The following RBM27 variants were observed in gnomAD, a reference collection of about 807,000 sequenced individuals.
RBM27 encodes the protein RNA binding motif protein 27.
A neutral mutation model predicts 135.3 loss-of-function variants in RBM27; 22 were observed. The ratio of observed to expected loss-of-function variants is 0.16; its 90% CI spans 0.12 to 0.23. The LOEUF is 0.23. Ranked by LOEUF, RBM27 falls within the 10% of genes least tolerant of loss-of-function variation. RBM27 has a pLI of 1.00. For synonymous variants in RBM27, 481 were observed against 442.4 expected (o/e 1.09, Z -1.10); for missense variants, 1,009 against 1,281.0 (o/e 0.79, Z 3.24).
At position 146,271,591 on chromosome 5, in the gene RBM27, A is replaced by G. The variant is rs1389301285; in HGVS notation, c.2905A>G (p.Met969Val). Residue 969 changes from methionine (M) to valine (V), a missense_variant, in exon 19 of 21, where the codon ATG becomes GTG. Transcript: ENST00000265271. ...AAGAGGAAGGGGCTCACTAAATCAC[A>G]TGGTGGTGGACCATCGTCCCAAAGC... The part of the protein sequence containing the change: ...GGRGRGSLNH[M>V]VVDHRPKALT... 2.5e-6 allele frequency: 4 copies of G among 1,613,740 alleles called. No individual in the cohort carries two copies. Among genetic ancestry groups the G allele is most frequent in the East Asian group, 2.2e-5 (1 of 44,884 alleles).
At chr5:146,256,946 A>G (rs1758129957) in intron 10 of RBM27, among the ~76,000 whole-genome samples, 1 of 152,224 alleles carries the variant, frequency 6.6e-6, no homozygotes, top group African/African-American at 2.4e-5. Context: ...GATAAAAACT[A>G]TTTAAGGAGA....
rs979502104 is a variant in RBM27 at position 146,203,732 on chromosome 5, G to A, written c.-34G>A. 4 of 1,547,684 alleles carry A rather than the reference G, an allele frequency of 2.6e-6. No homozygotes were observed. The highest frequency in any genetic ancestry group is 3.5e-6 in the Non-Finnish European group (4 of 1,144,346). ...AGTGGAGACCCACGGCAGGCCTGAAGAAGAGCGGCGGCCGAGCCCGCCTTC... is the reference window on the plus strand; with the variant it reads ...AGTGGAGACCCACGGCAGGCCTGAAAAAGAGCGGCGGCCGAGCCCGCCTTC... On this transcript the variant is annotated 5_prime_UTR_variant, in exon 1 of 21. Transcript: ENST00000265271.
rs530449956 is a variant in RBM27, at chr5:146,222,869, C to T, written c.179-534C>T. Among the ~76,000 whole-genome samples the T allele has an allele frequency of 3.3e-5, 5 of 152,150 alleles. No individual in the cohort carries two copies. The East Asian group carries it at 5.8e-4, about 18-fold the overall frequency. ...TATTTAACTGATTAAAAAAAATTTT[C>T]GGTTAAGTTTTTTGAGTTGGCAGTG... is the stretch of plus-strand genomic sequence containing the variant. On this transcript the variant is annotated intron_variant, in intron 2 of 20. Coordinates refer to ENST00000265271, the MANE Select transcript of RBM27 (RefSeq NM_018989.2).
intron 3 of RBM27, among the ~76,000 whole-genome samples, chr5:146,224,688 G>GA (rs199952797): frequency 1.2e-4 from 18 of 145,896 alleles, no homozygotes; most frequent in East Asian, 5.9e-4. Context: ...GCCTCAGAAA[G>GA]AAAAAAAAAA....
intron 17 of RBM27, among the ~76,000 whole-genome samples, chr5:146,270,107 C>T (rs1758799664): frequency 6.6e-6 from 1 of 151,984 alleles, no homozygotes; most frequent in African/African-American, 2.4e-5. Flanking sequence ...AGAAGCCTGG[C>T]CTATTCATAT....
At chr5:146,252,110 G>T (rs933578654) in intron 9 of RBM27, among the ~76,000 whole-genome samples, 1 of 151,896 alleles carries the variant, frequency 6.6e-6, no homozygotes, top group East Asian at 1.9e-4. Context: ...TCAGTGCCTC[G>T]GTAACAAAGT....
chr5:146,235,408 T>C (rs1757116176), intron 7 of RBM27, among the ~76,000 whole-genome samples: 1 of 151,836 alleles, frequency 6.6e-6, no homozygotes, highest in South Asian at 2.1e-4. Flanking sequence ...ATACAAAAAT[T>C]AGCCAGGCAT....
At chr5:146,212,345 C>T (rs756676124) in intron 1 of RBM27, among the ~76,000 whole-genome samples, 1 of 145,558 alleles carries the variant, frequency 6.9e-6, no homozygotes, top group East Asian at 2.1e-4. Context: ...TGAGCCACCC[C>T]GCCCGGCCCT....
At chr5:146,228,302 TGAG>T (rs1756767301) in intron 3 of RBM27, among the ~76,000 whole-genome samples, 1 of 148,130 alleles carries the variant, frequency 6.8e-6, no homozygotes, top group African/African-American at 2.5e-5. Context: ...TTTTTTTTTT[TGAG>T]ACAAAGTCTC....
intron 11 of RBM27, among the ~76,000 whole-genome samples, chr5:146,259,213 T>C (rs181102445): frequency 1.0e-3 from 159 of 151,656 alleles, no homozygotes; most frequent in Admixed American, 2.4e-3. Flanking sequence ...GTTGAAAATA[T>C]GCCGTTAAAG....
intron 8 of RBM27, among the ~76,000 whole-genome samples, chr5:146,244,606 A>T (rs1208681010): frequency 6.6e-6 from 1 of 151,588 alleles, no homozygotes; most frequent in Non-Finnish European, 1.5e-5. Context: ...TGGTGGCATC[A>T]TGGGTCACTG....
chr5:146,285,344 C>G (rs1051266763), intron 20 of RBM27, among the ~76,000 whole-genome samples: 2 of 152,058 alleles, frequency 1.3e-5, no homozygotes, highest in Non-Finnish European at 2.9e-5. Flanking sequence ...AGATACCTAG[C>G]TAGCATTTAT....
chr5:146,229,042 G>GTGTT lies in RBM27; in HGVS notation c.395+7_395+10dup, dbSNP rs1420811341. 6.2e-7 allele frequency: 1 copy of GTGTT among 1,610,568 alleles called. No individual in the cohort carries two copies. The highest frequency in any genetic ancestry group is 8.5e-7 in the Non-Finnish European group (1 of 1,177,750). ...TTCAGAATCTAGTGAACGAAGGTTT[G>GTGTT]TGTTTATCTTTAATTAGGAAGACAT... On this transcript the variant is annotated splice_donor_region_variant and intron_variant, in intron 4 of 20. Coordinates refer to ENST00000265271, the MANE Select transcript of RBM27 (RefSeq NM_018989.2).
chr5:146,275,146 A>G lies in RBM27; in HGVS notation c.2988+3472A>G, dbSNP rs181281624. On this transcript the variant is annotated intron_variant, in intron 19 of 20. Transcript: ENST00000265271. ...GTAGTATGCAGACCCCTGGTATGTTATTATGTTACTTTATATATCAAATAT... is the reference window on the plus strand; with the variant it reads ...GTAGTATGCAGACCCCTGGTATGTTGTTATGTTACTTTATATATCAAATAT... Among the ~76,000 whole-genome samples the G allele has an allele frequency of 2.5e-3, 379 of 151,688 alleles. 4 individuals are homozygous for G. The highest frequency in any genetic ancestry group is 8.8e-3 in the African/African-American group (366 of 41,504).
At chr5:146,256,312 T>C (rs1758098879) in intron 10 of RBM27, among the ~76,000 whole-genome samples, 1 of 146,994 alleles carries the variant, frequency 6.8e-6, no homozygotes, top group Non-Finnish European at 1.5e-5. Context: ...ATTATTTATA[T>C]ATATATTTTT....
At position 146,211,241 on chromosome 5, in the gene RBM27, C is replaced by CT. The variant is rs369308752; in HGVS notation, c.59+7418dup. ...GCTGCAGTGAGCTATGATCAAGCCA[C>CT]TGTACTCCAGCCTGGGCAACAGAAT... On this transcript the variant is annotated intron_variant, in intron 1 of 20. Coordinates refer to ENST00000265271, the MANE Select transcript of RBM27 (RefSeq NM_018989.2). Among the ~76,000 whole-genome samples the CT allele has an allele frequency of 6.9e-3, 1,047 of 152,214 alleles. 10 individuals carry two copies. Among genetic ancestry groups the CT allele is most frequent in the South Asian group, 0.012 (59 of 4,826 alleles).
At position 146,269,211 on chromosome 5, in the gene RBM27, C is replaced by T. The variant is rs1758755980; in HGVS notation, c.2456C>T (p.Ala819Val). 6.3e-7 allele frequency: 1 copy of T among 1,595,162 alleles called. No individual in the cohort carries two copies. Among genetic ancestry groups the T allele is most frequent in the Non-Finnish European group, 8.6e-7 (1 of 1,168,822 alleles). ...ATTTCTTTTTTACTTATACAGGAAG[C>T]AATGAAGTTACAACAAGATATGAGG... ...VQEVLKKKQEAMKLQQDMRKK... is the reference protein window; with the variant it reads ...VQEVLKKKQEVMKLQQDMRKK... The change falls in exon 16 of 21, where the codon GCA becomes GTA. Residue 819 changes from alanine (A) to valine (V), a missense_variant. Ala to Val is a moderately conservative substitution (Grantham distance 64, BLOSUM62 0). This residue lies in a region of RBM27 where 355 missense variants were observed against 427.3 expected (regional missense o/e 0.83). Coordinates refer to ENST00000265271, the MANE Select transcript of RBM27 (RefSeq NM_018989.2).
At chr5:146,237,492 A>G (rs2126775869) in intron 8 of RBM27, 60 bp downstream of exon 8, 1 of 1,548,288 alleles carries the variant, frequency 6.5e-7, no homozygotes, top group Non-Finnish European at 8.9e-7. Flanking sequence ...GTTGTCTCAT[A>G]TCAGTATAAC....
rs1445144580 is a variant in RBM27, at chr5:146,219,007, T to C, written c.82T>C (p.Leu28=). The C allele has an allele frequency of 6.2e-7, 1 of 1,608,724 alleles. No individual in the cohort carries two copies. Among genetic ancestry groups the C allele is most frequent in the Non-Finnish European group, 8.5e-7 (1 of 1,178,348 alleles). The change falls in exon 2 of 21, where the codon TTA becomes CTA. Residue 28 remains leucine (L), a synonymous_variant. Coordinates refer to ENST00000265271, the MANE Select transcript of RBM27 (RefSeq NM_018989.2). ...EPICDADPSA[L]ANYVVALVKK... ...TAGATGTGATGCTGATCCTTCAGCCTTAGCCAACTATGTTGTAGCACTGGT... is the reference window on the plus strand; with the variant it reads ...TAGATGTGATGCTGATCCTTCAGCCCTAGCCAACTATGTTGTAGCACTGGT...
Sources: allele counts gnomAD v4.1 joint callset (sites outside exome capture counted in the v4.1 genomes callset), GRCh38; gene constraint gnomAD v4.1.1; regional missense constraint gnomAD v4.1.1; transcripts MANE v1.5; gene names NCBI Gene and HGNC (gene_info 2026-07-23, HGNC 2026-07-21).